The following CCSER1 variants were observed in gnomAD, a reference collection of about 807,000 sequenced individuals.
The protein encoded by CCSER1 is coiled-coil serine rich protein 1.
A neutral mutation model predicts 82.0 loss-of-function variants in CCSER1; 41 were observed. The ratio of observed to expected loss-of-function variants is 0.50; its 90% CI spans 0.39 to 0.65. The LOEUF (loss-of-function observed/expected upper bound fraction) is 0.65. Among genes scored for constraint, CCSER1 ranks in the 30% least tolerant of loss-of-function variants. CCSER1 has a pLI of 0.00. For synonymous variants in CCSER1, 414 were observed against 383.9 expected (o/e 1.08, Z -0.92); for missense variants, 1,119 against 1,064.2 (o/e 1.05, Z -0.72).
chr4:91,270,894 A>T (rs996006238), intron 10 of CCSER1, among the ~76,000 whole-genome samples: 15 of 152,334 alleles, frequency 9.8e-5, no homozygotes, highest in African/African-American at 3.6e-4. Context: ...TGAAAAAAAT[A>T]GTTAAATAAA....
chr4:91,394,911 ATAAAT>A (rs1343961345), intron 10 of CCSER1, among the ~76,000 whole-genome samples: 1 of 151,962 alleles, frequency 6.6e-6, no homozygotes, highest in East Asian at 1.9e-4. Flanking sequence ...ATCCTCTGTG[ATAAAT>A]TAAGAAAGCT....
At chr4:90,780,544 T>G (rs1017550854) in intron 7 of CCSER1, 11 of 1,580,534 alleles carry the variant, frequency 7.0e-6, no homozygotes, top group Non-Finnish European at 9.4e-6. Context: ...AAGTTGAAGA[T>G]GAAAGGAAAG....
intron 6 of CCSER1, among the ~76,000 whole-genome samples, chr4:90,684,358 G>A (rs1318228159): frequency 6.6e-6 from 1 of 151,950 alleles, no homozygotes; most frequent in Non-Finnish European, 1.5e-5. Context: ...GGATCAAATG[G>A]CATAACTAGT....
At chr4:90,648,711 A>T (rs1425105391) in intron 6 of CCSER1, among the ~76,000 whole-genome samples, 1 of 152,220 alleles carries the variant, frequency 6.6e-6, no homozygotes, top group African/African-American at 2.4e-5. Flanking sequence ...ACTTGCTGAC[A>T]TCTTGATCTT....
chr4:90,262,149 T>C (rs1311857395), intron 1 of CCSER1, among the ~76,000 whole-genome samples: 2 of 152,158 alleles, frequency 1.3e-5, no homozygotes, highest in East Asian at 1.9e-4. Flanking sequence ...CTGTGATTTT[T>C]TGGGGATATT....
chr4:90,623,023 ATTT>A (rs35838784), intron 5 of CCSER1, among the ~76,000 whole-genome samples: 3 of 112,624 alleles, frequency 2.7e-5, no homozygotes, highest in Admixed American at 9.5e-5. Context: ...TGGGTAAAGG[ATTT>A]TTTTTTTTTT....
chr4:90,326,085 A>T (rs1335505254), intron 3 of CCSER1, among the ~76,000 whole-genome samples: 1 of 136,742 alleles, frequency 7.3e-6, no homozygotes, highest in African/African-American at 2.8e-5. Context: ...TTGAGACGGA[A>T]TCTCACTCTT....
At position 91,376,902 on chromosome 4, in the gene CCSER1, C is replaced by CCCCCCTTT. The variant is rs141460197; in HGVS notation, c.2218-221665_2218-221664insTTTCCCCC. Among the ~76,000 whole-genome samples the CCCCCCTTT allele has an allele frequency of 2.8e-5, 4 of 142,784 alleles. No homozygotes were observed. The East Asian group carries it at 8.8e-4, about 31-fold the overall frequency. 93.7% of individuals were successfully genotyped at this position (142,784 alleles called of 152,430 possible). On this transcript the variant is annotated intron_variant, in intron 10 of 10. Coordinates refer to ENST00000509176, the MANE Select transcript of CCSER1 (RefSeq NM_001145065.2). ...AGGTATATCTCCTAATACTATCCCT[C>CCCCCCTTT]CCCCCACCCAGGACAGGCCCCAGTG...
intron 9 of CCSER1, among the ~76,000 whole-genome samples, chr4:91,060,248 T>C (rs1461627211): frequency 1.3e-5 from 2 of 152,094 alleles, no homozygotes; most frequent in Non-Finnish European, 2.9e-5. Flanking sequence ...TGAAAAGCAC[T>C]AGACATTATC....
chr4:90,262,801 G>A (rs1393333692), intron 1 of CCSER1, among the ~76,000 whole-genome samples: 3 of 152,116 alleles, frequency 2.0e-5, no homozygotes, highest in Non-Finnish European at 4.4e-5. Flanking sequence ...TGGCTGTTCA[G>A]ATCAGACAGG....
chr4:90,566,936 GTAACGTCTCCTTTCATTT>G (rs1014088088), intron 5 of CCSER1, among the ~76,000 whole-genome samples: 1 of 151,126 alleles, frequency 6.6e-6, no homozygotes, highest in African/African-American at 2.4e-5. Context: ...TGTATCAATT[GTAACGTCTCCTTTCATTT>G]ATTTGAGTCT....
At chr4:91,436,998 A>G (rs1319849095) in intron 10 of CCSER1, among the ~76,000 whole-genome samples, 2 of 152,178 alleles carry the variant, frequency 1.3e-5, no homozygotes, top group African/African-American at 4.8e-5. Context: ...GGTGTGAGTG[A>G]AGGCCTGCTG....
intron 4 of CCSER1, among the ~76,000 whole-genome samples, chr4:90,447,783 C>G (rs1412915420): frequency 6.6e-6 from 1 of 152,052 alleles, no homozygotes; most frequent in Non-Finnish European, 1.5e-5. Context: ...AGCTGACACA[C>G]ATGAAAATTA....
intron 4 of CCSER1, among the ~76,000 whole-genome samples, chr4:90,420,865 G>A (rs1175256351): frequency 1.3e-5 from 2 of 152,010 alleles, no homozygotes; most frequent in South Asian, 2.1e-4. Context: ...TATTTCATTC[G>A]GCATGGTTTT....
In CCSER1 at chr4:90,826,764, A is replaced by G. The variant is rs139074893; in HGVS notation, c.2094+10919A>G. On this transcript the variant is annotated intron_variant, in intron 8 of 10. Transcript: ENST00000509176. ...TATAAATTACAGAGAGATTACAAAC[A>G]TATTAGTGGTATAAAATAGGATAAC... Among the ~76,000 whole-genome samples the G allele has an allele frequency of 7.7e-3, 1,169 of 152,288 alleles. 10 individuals carry two copies. Among genetic ancestry groups the G allele is most frequent in the South Asian group, 0.027 (130 of 4,824 alleles).
At position 91,209,739 on chromosome 4, in the gene CCSER1, G is replaced by A. The variant is rs1581775966; in HGVS notation, c.2217+123745G>A. ...ATGCTGGCCTCGTAGAATGAATTGG[G>A]GAGGAGTCAATTTCAGAGCTCATTA... On this transcript the variant is annotated intron_variant, in intron 10 of 10. Transcript: ENST00000509176. Among the ~76,000 whole-genome samples the A allele has an allele frequency of 2.0e-5, 3 of 151,810 alleles. No individual in the cohort carries two copies. In the South Asian group the frequency reaches 6.2e-4, roughly 32 times the overall value.
intron 10 of CCSER1, among the ~76,000 whole-genome samples, chr4:91,532,552 G>A (rs941275522): frequency 6.6e-6 from 1 of 152,166 alleles, no homozygotes. Context: ...ACAAAAATAT[G>A]TGTAATCAGT....
At chr4:90,669,424 C>T (rs1486696651) in intron 6 of CCSER1, among the ~76,000 whole-genome samples, 2 of 152,000 alleles carry the variant, frequency 1.3e-5, no homozygotes, top group African/African-American at 4.8e-5. Flanking sequence ...CATAGTAGGT[C>T]TATAAGGATG....
chr4:91,214,509 CTTT>C (rs755213468), intron 10 of CCSER1, among the ~76,000 whole-genome samples: 6 of 152,104 alleles, frequency 3.9e-5, no homozygotes, highest in Admixed American at 1.3e-4. Flanking sequence ...ACTTAAAATT[CTTT>C]TATTTCTCTA....
Sources: gnomAD v4.1 joint callset for allele counts (sites outside exome capture counted in the v4.1 genomes callset) on GRCh38, gnomAD v4.1.1 for gene constraint, MANE v1.5 for transcripts, NCBI Gene and HGNC (gene_info 2026-07-23, HGNC 2026-07-21) for gene names.